Variants in PCDHGB3 observed in about 807,000 individuals in gnomAD.
PCDHGB3 encodes protocadherin gamma subfamily B, 3, also known as protocadherin gamma-B3.
A neutral mutation model predicts 59.2 loss-of-function variants in PCDHGB3; 40 were observed. The ratio of observed to expected loss-of-function variants is 0.68; its 90% CI spans 0.52 to 0.88. The LOEUF is 0.88. PCDHGB3 is among the 40% of genes least tolerant of loss of function. The pLI is 0.00. For synonymous variants in PCDHGB3, 581 were observed against 503.6 expected, an observed-to-expected ratio of 1.15 and a Z score of -2.06; for missense variants, 1,309 against 1,187.9, an observed-to-expected ratio of 1.10 and a Z score of -1.50.
rs1335023784 is a variant in PCDHGB3 at position 141,490,877 on chromosome 5, C to CCAA, written c.2416-3927_2416-3925dup. 2.5e-6 allele frequency: 4 copies of CCAA among 1,613,762 alleles called. No homozygotes were observed. Among genetic ancestry groups the CCAA allele is most frequent in the Non-Finnish European group, 3.4e-6 (4 of 1,179,908 alleles). On this transcript the variant is annotated intron_variant, in intron 1 of 3. Transcript: ENST00000576222. This position sits in a 1 kb window ranked among gnomAD's most constrained non-coding sequence, Gnocchi z 5.4. ...GACTCCGGCTCTCCCCCATTGCATG[C>CCAA]CAACACATCTCTGCATGTGTTTGTC...
In PCDHGB3 at chr5:141,372,387, G is replaced by A. The variant is rs771030632; in HGVS notation, c.1993G>A (p.Ala665Thr). Residue 665 changes from alanine to threonine, a missense_variant, in exon 1 of 4, where the codon GCA (alanine) becomes ACA (threonine). Ala to Thr is a moderately conservative substitution (Grantham distance 58). Coordinates refer to ENST00000576222, the MANE Select transcript of PCDHGB3 (RefSeq NM_018924.5). ...SATVMLHLIF[A>T]DSLQEIQPDL... is the part of the protein sequence containing the mutation. The stretch of plus-strand genomic sequence containing the variant: ...CACCGTCATGCTGCACCTAATCTTC[G>A]CAGATAGCTTGCAAGAGATACAACC... 1 of 1,614,016 alleles carries A rather than the reference G, an allele frequency of 6.2e-7. No individual in the cohort carries two copies. The highest frequency in any genetic ancestry group is 2.2e-5 in the East Asian group (1 of 44,886).
rs1317887998 is a variant in PCDHGB3, at chr5:141,372,265, G to T, written c.1871G>T (p.Gly624Val). The change falls in exon 1 of 4, where the codon GGT becomes GTT. Residue 624 changes from glycine (G) to valine (V), a missense_variant. Gly to Val is a moderately radical substitution (Grantham distance 109). Transcript: ENST00000576222. Reference sequence around the variant, plus strand: ...CTGTTCAGCCTGGGCCTGCGCACGGGTGAGGTGCGCACGGCGCGTACCTTG... The same window carrying T: ...CTGTTCAGCCTGGGCCTGCGCACGGTTGAGGTGCGCACGGCGCGTACCTTG... Reference protein sequence around the residue: ...PGLFSLGLRTGEVRTARTLGD... With the variant: ...PGLFSLGLRTVEVRTARTLGD... The T allele has an allele frequency of 1.2e-6, 2 of 1,613,014 alleles. No homozygotes were observed. Among genetic ancestry groups the T allele is most frequent in the Non-Finnish European group, 1.7e-6 (2 of 1,179,798 alleles).
Position 141,432,014 on chromosome 5 carries a change from AACATC to A in PCDHGB3, c.2415+59209_2415+59213del. ...GGATAGGGAACAGGTTCCTAGCTAC[AACATC>A]ACAGTGACCGCCACTGACCGGGGAA... On this transcript the variant is annotated intron_variant, in intron 1 of 3. Transcript: ENST00000576222. This position sits in a 1 kb window ranked among gnomAD's most constrained non-coding sequence, Gnocchi z 6.0. 6.2e-7 allele frequency: 1 copy of A among 1,614,078 alleles called. No individual in the cohort carries two copies. The highest frequency in any genetic ancestry group is 8.5e-7 in the Non-Finnish European group (1 of 1,180,036).
At chr5:141,384,549 G>C in intron 1 of PCDHGB3, 1 of 1,614,244 alleles carries the variant, frequency 6.2e-7, no homozygotes, top group Non-Finnish European at 8.5e-7. Context: ...CACTGAGCCT[G>C]TTCGTGCTGG....
Position 141,431,132 on chromosome 5 carries a change from G to A in PCDHGB3, c.2415+58323G>A. On this transcript the variant is annotated intron_variant, in intron 1 of 3. Coordinates refer to ENST00000576222, the MANE Select transcript of PCDHGB3 (RefSeq NM_018924.5). This position sits in a 1 kb window ranked among gnomAD's most constrained non-coding sequence, Gnocchi z 4.8. ...ATATGGAGTAGAAGTAGAAGTAAGGGACATTAACGACAATGCGCCTTACTT... is the reference window on the plus strand; with the variant it reads ...ATATGGAGTAGAAGTAGAAGTAAGGAACATTAACGACAATGCGCCTTACTT... 2 of 1,614,232 alleles carry A rather than the reference G, an allele frequency of 1.2e-6. No individual in the cohort carries two copies. The highest frequency in any genetic ancestry group is 8.5e-7 in the Non-Finnish European group (1 of 1,180,024).
At chr5:141,442,895 A>G (rs1381559903) in intron 1 of PCDHGB3, among the ~76,000 whole-genome samples, 5 of 152,182 alleles carry the variant, frequency 3.3e-5, no homozygotes, top group African/African-American at 1.2e-4. Context: ...CCTGCTTATC[A>G]CTTCTCCTTC....
At position 141,400,548 on chromosome 5, in the gene PCDHGB3, T is replaced by G. The variant is rs551157559; in HGVS notation, c.2415+27739T>G. On this transcript the variant is annotated intron_variant, in intron 1 of 3. Transcript: ENST00000576222. ...TGGTGAGTTTCATTTATGTCTATTC[T>G]TTTTCATTACCCACCCAATTTTCTG... is the stretch of plus-strand genomic sequence containing the variant. 3.3e-4 allele frequency: 529 copies of G among 1,613,654 alleles called. 1 individual carries two copies. In the South Asian group the frequency reaches 4.9e-3, roughly 15 times the overall value.
chr5:141,395,248 T>A, intron 1 of PCDHGB3: 1 of 1,561,360 alleles, frequency 6.4e-7, no homozygotes, highest in Non-Finnish European at 8.7e-7. Flanking sequence ...GTGAGTTTAG[T>A]TCTTTGCTTG....
chr5:141,455,580 T>G (rs572453788), intron 1 of PCDHGB3, among the ~76,000 whole-genome samples: 26 of 152,142 alleles, frequency 1.7e-4, no homozygotes, highest in Middle Eastern at 3.2e-3. Context: ...ACCCCAGCCT[T>G]TTAATATGCA....
intron 1 of PCDHGB3, among the ~76,000 whole-genome samples, chr5:141,448,669 G>T: frequency 6.6e-6 from 1 of 152,136 alleles, no homozygotes; most frequent in East Asian, 1.9e-4. Flanking sequence ...GGCCGGGCGC[G>T]GTGGCTCACG....
chr5:141,422,414 A>G (rs2096646645), intron 1 of PCDHGB3: 1 of 1,604,894 alleles, frequency 6.2e-7, no homozygotes, highest in Admixed American at 1.7e-5. Context: ...TTTAAATTAG[A>G]AAAGACTTAT....
At chr5:141,395,972 A>G (rs974737736) in intron 1 of PCDHGB3, 1 of 152,218 alleles carries the variant, frequency 6.6e-6, no homozygotes, top group African/African-American at 2.4e-5. Flanking sequence ...CAAAAACATT[A>G]GATCTGAATT....
chr5:141,450,450 C>T (rs964666176), intron 1 of PCDHGB3, among the ~76,000 whole-genome samples: 5 of 151,996 alleles, frequency 3.3e-5, no homozygotes, highest in African/African-American at 9.7e-5. Context: ...TTTTATGTTT[C>T]CTCGTGATTT....
At chr5:141,479,391 T>G (rs2099494461) in intron 1 of PCDHGB3, 1 of 152,266 alleles carries the variant, frequency 6.6e-6, no homozygotes, top group Non-Finnish European at 1.5e-5. Flanking sequence ...AGCCCAGGAG[T>G]TCTGGGCTGT....
intron 1 of PCDHGB3, among the ~76,000 whole-genome samples, chr5:141,449,974 A>T (rs2098661108): frequency 6.6e-6 from 1 of 151,260 alleles, no homozygotes; most frequent in African/African-American, 2.4e-5. Context: ...TTTAGTCCAA[A>T]ATATCACACA....
chr5:141,428,395 G>A, intron 1 of PCDHGB3: 1 of 488,280 alleles, frequency 2.0e-6, no homozygotes, highest in Non-Finnish European at 3.8e-6. Flanking sequence ...CAGCCCCTCT[G>A]CCTGGGGTTG....
intron 1 of PCDHGB3, chr5:141,413,021 C>A: frequency 2.8e-6 from 2 of 714,374 alleles, no homozygotes; most frequent in Non-Finnish European, 4.4e-6. Context: ...TACACAAGCC[C>A]CACAAACCGG....
chr5:141,398,011 T>A lies in PCDHGB3; in HGVS notation c.2415+25202T>A, dbSNP rs531266866. On this transcript the variant is annotated intron_variant, in intron 1 of 3. Coordinates refer to ENST00000576222, the MANE Select transcript of PCDHGB3 (RefSeq NM_018924.5). ...CGCTTCCTCCTCGGAAAAAGAATCG[T>A]TTCCTAAACTGGAACTGGAACTAAA... The A allele has an allele frequency of 2.7e-5, 38 of 1,413,006 alleles. No homozygotes were observed. In the African/African-American group the frequency reaches 4.3e-4, roughly 16 times the overall value. 87.5% of individuals were successfully genotyped at this position (1,413,006 alleles called of 1,614,324 possible). A position where few individuals can be genotyped will look rare whatever the true frequency, so the allele number is the denominator to read the frequency against.
Position 141,432,136 on chromosome 5 carries a change from T to C in PCDHGB3, c.2415+59327T>C, listed in dbSNP as rs766026174. 2 of 1,613,960 alleles carry C rather than the reference T, an allele frequency of 1.2e-6. No individual in the cohort carries two copies. The highest frequency in any genetic ancestry group is 1.7e-5 in the Admixed American group (1 of 59,996). On this transcript the variant is annotated intron_variant, in intron 1 of 3. Transcript: ENST00000576222. The surrounding 1 kb of genome is among the most constrained non-coding windows in gnomAD (Gnocchi z 6.0). ...TCTTCCCTCAGGCCTCCTATTCCGC[T>C]TATATCCCAGAGAACAATCCCAGAG...
Sources: gnomAD v4.1 joint callset for allele counts (sites outside exome capture counted in the v4.1 genomes callset) on GRCh38, gnomAD v4.1.1 for gene constraint, Gnocchi (gnomAD v3.1) non-coding constraint, MANE v1.5 for transcripts, NCBI Gene and HGNC (gene_info 2026-07-23, HGNC 2026-07-21) for gene names.